The following RTF2 variants were observed in gnomAD, a reference collection of about 807,000 sequenced individuals.
RTF2 encodes the protein replication termination factor 2.
RTF2 carries 18 observed loss-of-function variants against 38.0 expected under a neutral mutation model. The ratio of observed to expected loss-of-function variants is 0.47; its 90% CI spans 0.33 to 0.70. The LOEUF (loss-of-function observed/expected upper bound fraction) is 0.70. RTF2 is among the 30% of genes least tolerant of loss of function. The probability of loss-of-function intolerance (pLI) is 0.02; values close to 1 mark genes in which losing one functional copy is unlikely to be tolerated. For synonymous variants in RTF2, 126 were observed against 137.1 expected, an observed-to-expected ratio of 0.92 and a Z score of 0.57; for missense variants, 311 against 379.6, an observed-to-expected ratio of 0.82 and a Z score of 1.50.
intron 5 of RTF2, among the ~76,000 whole-genome samples, chr20:56,488,148 G>C (rs1048887357): frequency 1.3e-5 from 2 of 152,150 alleles, no homozygotes; most frequent in Non-Finnish European, 2.9e-5. Flanking sequence ...ATCACTTGAG[G>C]TCAGGAGTTC....
chr20:56,497,109 G>T, intron 5 of RTF2: 1 of 1,551,578 alleles, frequency 6.4e-7, no homozygotes, highest in Non-Finnish European at 8.7e-7. Flanking sequence ...TGTCTTGGAG[G>T]AAATAAAAAC....
chr20:56,504,507 G>A (rs1984132634), intron 5 of RTF2, among the ~76,000 whole-genome samples: 1 of 152,136 alleles, frequency 6.6e-6, no homozygotes, highest in Non-Finnish European at 1.5e-5. Context: ...TCCATAAATA[G>A]CATTCAAAAA....
intron 6 of RTF2, chr20:56,513,715 C>CCATA: frequency 3.2e-6 from 1 of 316,352 alleles, no homozygotes; most frequent in Non-Finnish European, 6.2e-6. Context: ...GAGACCATGG[C>CCATA]CATAAAGCAC....
In RTF2 at chr20:56,518,127, G is replaced by C. The variant is rs144995597; in HGVS notation, c.783G>C (p.Pro261=). Residue 261 remains proline, a synonymous_variant, in exon 9 of 9, where the codon CCG becomes CCC. Coordinates refer to ENST00000357348, the MANE Select transcript of RTF2 (RefSeq NM_016407.5). ...ESSSGKAGKP[P]CGATKRSIAD... Reference sequence around the variant, plus strand: ...CTTCTGGAAAAGCTGGGAAGCCTCCGTGTGGAGCCACAAAGAGGTCCATCG... The same window carrying C: ...CTTCTGGAAAAGCTGGGAAGCCTCCCTGTGGAGCCACAAAGAGGTCCATCG... 2 of 1,613,978 alleles carry C rather than the reference G, an allele frequency of 1.2e-6. No homozygotes were observed. The highest frequency in any genetic ancestry group is 1.1e-5 in the South Asian group (1 of 91,068).
intron 5 of RTF2, chr20:56,497,194 A>G: frequency 1.1e-5 from 17 of 1,551,648 alleles, no homozygotes; most frequent in Non-Finnish European, 1.5e-5. Context: ...ACATGAATAC[A>G]ATAAACATTT....
chr20:56,497,142 G>T (rs1347455916), intron 5 of RTF2: 1 of 1,551,516 alleles, frequency 6.4e-7, no homozygotes, highest in Non-Finnish European at 8.7e-7. Flanking sequence ...GTTAACCAAG[G>T]TTTGCACAGC....
At chr20:56,478,193 T>C (rs1982353842) in intron 4 of RTF2, among the ~76,000 whole-genome samples, 1 of 152,204 alleles carries the variant, frequency 6.6e-6, no homozygotes, top group Non-Finnish European at 1.5e-5. Flanking sequence ...TTAGTACATA[T>C]AAAAGTTGCC....
At position 56,468,751 on chromosome 20, in the gene RTF2, G is replaced by C; in HGVS notation, c.54G>C (p.Pro18=). 6.3e-7 allele frequency: 1 copy of C among 1,585,680 alleles called. No homozygotes were observed. The highest frequency in any genetic ancestry group is 8.6e-7 in the Non-Finnish European group (1 of 1,166,152). The stretch of plus-strand genomic sequence containing the variant: ...AGAGGCATGAACTGGTGAAGGGGCC[G>C]AAGAAGGTTGAGAAGGTCAGTGATG... The part of the protein sequence containing the change: ...IPKRHELVKG[P]KKVEKVDKDA... Residue 18 remains proline, a synonymous_variant, in exon 1 of 9, where the codon CCG becomes CCC. Coordinates refer to ENST00000357348, the MANE Select transcript of RTF2 (RefSeq NM_016407.5).
chr20:56,476,060 C>T (rs1159651427), intron 3 of RTF2, among the ~76,000 whole-genome samples: 3 of 152,158 alleles, frequency 2.0e-5, no homozygotes, highest in African/African-American at 7.2e-5. Flanking sequence ...AAAATGGTCT[C>T]ATTAAATATG....
Position 56,484,195 on chromosome 20 carries a change from T to G in RTF2, c.477+6T>G. 2 of 1,609,294 alleles carry G rather than the reference T, an allele frequency of 1.2e-6. No individual in the cohort carries two copies. Among genetic ancestry groups the G allele is most frequent in the South Asian group, 2.2e-5 (2 of 90,970 alleles). ...AAGCGGAAGTTTGCCACACGGTGAG[T>G]TCCTGACATGTACCATTTGTTCCTT... On this transcript the variant is annotated splice_donor_region_variant and intron_variant, in intron 5 of 8. Transcript: ENST00000357348.
Position 56,473,148 on chromosome 20 carries a change from A to C in RTF2, c.70-153A>C, listed in dbSNP as rs558693562. 10 of 174,402 alleles carry C rather than the reference A, an allele frequency of 5.7e-5. No homozygotes were observed. The South Asian group carries it at 1.5e-3, about 27-fold the overall frequency. 10.8% of individuals were successfully genotyped at this position (174,402 alleles called of 1,614,324 possible). On this transcript the variant is annotated intron_variant, in intron 1 of 8. Coordinates refer to ENST00000357348, the MANE Select transcript of RTF2 (RefSeq NM_016407.5). ...CCCGTCTCAAAAACAAACAAACAACAAACCAAAAACCCAACTTCCTATGTC... is the reference window on the plus strand; with the variant it reads ...CCCGTCTCAAAAACAAACAAACAACCAACCAAAAACCCAACTTCCTATGTC...
At chr20:56,499,194 C>CTTTTTTTT (rs774875921) in intron 5 of RTF2, among the ~76,000 whole-genome samples, 8 of 133,054 alleles carry the variant, frequency 6.0e-5, no homozygotes, top group South Asian at 2.4e-4. Flanking sequence ...TAATACTTAT[C>CTTTTTTTT]TTTTTTTTTT....
intron 4 of RTF2, among the ~76,000 whole-genome samples, chr20:56,479,075 G>C (rs1467552853): frequency 6.6e-6 from 1 of 152,064 alleles, no homozygotes; most frequent in Non-Finnish European, 1.5e-5. Context: ...TCATTCTCTT[G>C]CCATTCTACC....
chr20:56,496,559 G>C lies in RTF2; in HGVS notation c.477+12370G>C, dbSNP rs1474347463. 3.6e-6 allele frequency: 5 copies of C among 1,383,834 alleles called. No individual in the cohort carries two copies. The South Asian group carries it at 7.7e-5, about 21-fold the overall frequency. The allele number at this position is 1,383,834 out of a possible 1,614,324, so 85.7% of individuals were successfully genotyped here. ...TGAGACTCCGTCTCAAAATCAGTCA[G>C]TCAATCAATCAATCAATCAATCTAT... is the stretch of plus-strand genomic sequence containing the variant. On this transcript the variant is annotated intron_variant, in intron 5 of 8. Coordinates refer to ENST00000357348, the MANE Select transcript of RTF2 (RefSeq NM_016407.5).
In RTF2 at chr20:56,496,559, G is replaced by GTCAATCAA; in HGVS notation, c.477+12385_477+12392dup. The GTCAATCAA allele has an allele frequency of 3.6e-6, 5 of 1,383,832 alleles. No homozygotes were observed. The South Asian group carries it at 7.7e-5, about 21-fold the overall frequency. The allele number at this position is 1,383,832 out of a possible 1,614,324, so 85.7% of individuals were successfully genotyped here. On this transcript the variant is annotated intron_variant, in intron 5 of 8. Transcript: ENST00000357348. The stretch of plus-strand genomic sequence containing the variant: ...TGAGACTCCGTCTCAAAATCAGTCA[G>GTCAATCAA]TCAATCAATCAATCAATCAATCTAT...
chr20:56,500,636 G>A (rs941861272), intron 5 of RTF2, among the ~76,000 whole-genome samples: 3 of 152,126 alleles, frequency 2.0e-5, no homozygotes, highest in Non-Finnish European at 4.4e-5. Context: ...CTTCTACCTT[G>A]GTTCCATCAG....
chr20:56,496,421 G>A lies in RTF2; in HGVS notation c.477+12232G>A, dbSNP rs140756544. On this transcript the variant is annotated intron_variant, in intron 5 of 8. Transcript: ENST00000357348. Reference sequence around the variant, plus strand: ...AAATTAGCTGGGCATGGTGGTGGGCGCCTGTAATCCCAGCTACTGGGGAGG... The same window carrying A: ...AAATTAGCTGGGCATGGTGGTGGGCACCTGTAATCCCAGCTACTGGGGAGG... 9.9e-3 allele frequency among the ~76,000 whole-genome samples: 1,508 copies of A among 152,216 alleles called. 30 individuals carry two copies. The highest frequency in any genetic ancestry group is 0.035 in the African/African-American group (1,440 of 41,536).
chr20:56,470,981 A>G (rs1981929846), intron 1 of RTF2: 1 of 228,292 alleles, frequency 4.4e-6, no homozygotes, highest in Non-Finnish European at 9.3e-6. Flanking sequence ...GACACTAGCA[A>G]ATCATCAAAC....
chr20:56,506,181 A>G (rs907330833), intron 5 of RTF2, among the ~76,000 whole-genome samples: 2 of 152,214 alleles, frequency 1.3e-5, no homozygotes, highest in Non-Finnish European at 2.9e-5. Flanking sequence ...CAATGTGGGC[A>G]GAACCCTAGG....
Sources: allele counts gnomAD v4.1 joint callset (sites outside exome capture counted in the v4.1 genomes callset), GRCh38; gene constraint gnomAD v4.1.1; transcripts MANE v1.5; gene names NCBI Gene and HGNC (gene_info 2026-07-23, HGNC 2026-07-21).